The following AFF3 variants were observed in gnomAD, a reference collection of about 807,000 sequenced individuals.
AFF3 encodes AF4/FMR2 family member 3.
Under a neutral mutation model 129.7 loss-of-function variants are expected in AFF3, and 32 were observed. The ratio of observed to expected loss-of-function variants is 0.25; its 90% CI spans 0.19 to 0.33. The LOEUF is 0.33. Among genes scored for constraint, AFF3 ranks in the 10% least tolerant of loss-of-function variants. The pLI, the probability that AFF3 is intolerant of heterozygous loss-of-function variation, is 1.00. For missense variants in AFF3, 1,373 were observed against 1,592.0 expected (o/e 0.86, Z 2.34); for synonymous variants, 644 against 635.4 (o/e 1.01, Z -0.20).
In AFF3 at chr2:99,730,551, T is replaced by C. The variant is rs527515288; in HGVS notation, c.1040-3423A>G. 2.6e-5 allele frequency among the ~76,000 whole-genome samples: 4 copies of C among 151,412 alleles called. No homozygotes were observed. In the South Asian group the frequency reaches 8.3e-4, roughly 32 times the overall value. On this transcript the variant is annotated intron_variant, in intron 10 of 24. Transcript: ENST00000672756. ...TTTTTTTTGAGATGGGGTCTCACTC[T>C]GTTGCCCAGGCTGGAGTGCAGTGGT... is the stretch of plus-strand genomic sequence containing the variant.
chr2:99,925,543 T>G (rs528963135), intron 7 of AFF3, among the ~76,000 whole-genome samples: 1 of 152,126 alleles, frequency 6.6e-6, no homozygotes, highest in Non-Finnish European at 1.5e-5. Flanking sequence ...CAGTGAAAGT[T>G]TGTGAAATGA....
chr2:99,779,652 A>G (rs10460488), intron 8 of AFF3, among the ~76,000 whole-genome samples: 19,748 of 152,072 alleles, frequency 0.13, 2,739 homozygotes, highest in African/African-American at 0.35. Context: ...TACCCAGTAG[A>G]TAGTTTTTCA....
intron 7 of AFF3, among the ~76,000 whole-genome samples, chr2:99,999,043 G>A (rs950752369): frequency 2.0e-5 from 3 of 152,016 alleles, no homozygotes; most frequent in Non-Finnish European, 2.9e-5. Flanking sequence ...GGGAGCACAC[G>A]CACAGCACAC....
chr2:99,925,292 T>C (rs1164301144), intron 7 of AFF3, among the ~76,000 whole-genome samples: 1 of 152,244 alleles, frequency 6.6e-6, no homozygotes, highest in Non-Finnish European at 1.5e-5. Context: ...TTAAAATTTA[T>C]GTCAGGCTTG....
rs1021761801 is a variant in AFF3, at chr2:99,568,885, T to C, written c.2949A>G (p.Glu983=). 9 of 1,614,040 alleles carry C rather than the reference T, an allele frequency of 5.6e-6. No individual in the cohort carries two copies. The highest frequency in any genetic ancestry group is 7.6e-6 in the Non-Finnish European group (9 of 1,180,018). Residue 983 remains glutamate (E), a synonymous_variant, in exon 19 of 25, where the codon GAA becomes GAG. Coordinates refer to ENST00000672756, the MANE Select transcript of AFF3 (RefSeq NM_001386135.1). The stretch of plus-strand genomic sequence containing the variant: ...CTGCTTTATGCTTCATTCGTTTAGC[T>C]TCTTGCATAAAATAATCGGCACTGC... ...MPRSADYFMQ[E]AKRMKHKADA...
chr2:99,926,550 G>A lies in AFF3; in HGVS notation c.873+80082C>T, dbSNP rs181546784. ...TATAGGACCGGGTAAATTAGAATAC[G>A]GATTAGCTGTTTTTTGTGAGAGATT... On this transcript the variant is annotated intron_variant, in intron 7 of 24. Coordinates refer to ENST00000672756, the MANE Select transcript of AFF3 (RefSeq NM_001386135.1). 3.9e-5 allele frequency among the ~76,000 whole-genome samples: 6 copies of A among 152,216 alleles called. No individual in the cohort carries two copies. In the East Asian group the frequency reaches 5.8e-4, roughly 15 times the overall value.
chr2:100,068,861 G>T (rs1687942043), intron 4 of AFF3, among the ~76,000 whole-genome samples: 1 of 152,194 alleles, frequency 6.6e-6, no homozygotes, highest in Non-Finnish European at 1.5e-5. Context: ...GTCACTTCCA[G>T]ACTATGAGGT....
chr2:99,602,161 G>C (rs1252939629), intron 13 of AFF3, among the ~76,000 whole-genome samples: 1 of 152,176 alleles, frequency 6.6e-6, no homozygotes, highest in Non-Finnish European at 1.5e-5. Context: ...GAGACGAAGG[G>C]ACTGTCCAAG....
At chr2:99,730,047 G>A (rs1414903614) in intron 10 of AFF3, among the ~76,000 whole-genome samples, 1 of 152,094 alleles carries the variant, frequency 6.6e-6, no homozygotes, top group Non-Finnish European at 1.5e-5. Flanking sequence ...GTATCTATGT[G>A]TATTATACAC....
chr2:99,872,594 AAAAATAAAAT>A lies in AFF3; in HGVS notation c.874-35080_874-35071del, dbSNP rs369133072. ...AGTCCTATGCAAAAATGCTTCTTACAAAAATAAAATAAAATAAAATAAAATAAAATAAAAT... is the reference window on the plus strand; with the variant it reads ...AGTCCTATGCAAAAATGCTTCTTACAAAAATAAAATAAAATAAAATAAAAT... On this transcript the variant is annotated intron_variant, in intron 7 of 24. Transcript: ENST00000672756. 5.2e-3 allele frequency among the ~76,000 whole-genome samples: 665 copies of A among 127,646 alleles called. 7 individuals are homozygous for A. The highest frequency in any genetic ancestry group is 0.014 in the African/African-American group (465 of 32,890). 83.7% of individuals were successfully genotyped at this position (127,646 alleles called of 152,430 possible).
At chr2:99,573,413 AG>A (rs1214894861) in intron 18 of AFF3, among the ~76,000 whole-genome samples, 1 of 152,198 alleles carries the variant, frequency 6.6e-6, no homozygotes, top group African/African-American at 2.4e-5. Flanking sequence ...ACAAAAAGGT[AG>A]GGTCCCTGCT....
At chr2:99,651,624 T>C (rs1443051026) in intron 12 of AFF3, among the ~76,000 whole-genome samples, 1 of 152,060 alleles carries the variant, frequency 6.6e-6, no homozygotes, top group Non-Finnish European at 1.5e-5. Context: ...GTATTTTTAG[T>C]AGAGACAGGG....
At chr2:99,909,775 A>G (rs1322144825) in intron 7 of AFF3, among the ~76,000 whole-genome samples, 1 of 152,208 alleles carries the variant, frequency 6.6e-6, no homozygotes, top group African/African-American at 2.4e-5. Context: ...ACTTTCACGT[A>G]AATTATGCCC....
At chr2:99,628,399 T>C (rs1009899634) in intron 13 of AFF3, among the ~76,000 whole-genome samples, 1 of 152,108 alleles carries the variant, frequency 6.6e-6, no homozygotes, top group Non-Finnish European at 1.5e-5. Flanking sequence ...GATTTTTGCA[T>C]GTTGATTTTA....
intron 4 of AFF3, among the ~76,000 whole-genome samples, chr2:100,031,937 T>C (rs1206215498): frequency 6.6e-6 from 1 of 152,224 alleles, no homozygotes; most frequent in East Asian, 1.9e-4. Flanking sequence ...TACAGCTATA[T>C]GCAACAACAT....
chr2:99,839,172 C>T (rs1027965369), intron 7 of AFF3, among the ~76,000 whole-genome samples: 11 of 151,914 alleles, frequency 7.2e-5, no homozygotes, highest in Non-Finnish European at 1.0e-4. Flanking sequence ...TGCAATGGCG[C>T]GACCTTGGAT....
chr2:99,687,688 T>A (rs1320088843), intron 11 of AFF3, among the ~76,000 whole-genome samples: 1 of 152,202 alleles, frequency 6.6e-6, no homozygotes, highest in African/African-American at 2.4e-5. Flanking sequence ...CAGCTGTTGT[T>A]ATTTATAAAT....
intron 1 of AFF3, among the ~76,000 whole-genome samples, chr2:100,137,497 T>A (rs906451401): frequency 6.6e-6 from 1 of 152,132 alleles, no homozygotes; most frequent in Non-Finnish European, 1.5e-5. Context: ...CCTGGTTATG[T>A]GTGCCTGGTG....
At chr2:100,061,854 T>TGTGG (rs1553515714) in intron 4 of AFF3, among the ~76,000 whole-genome samples, 1 of 75,720 alleles carries the variant, frequency 1.3e-5, no homozygotes. Context: ...GGTAGCACAG[T>TGTGG]GGAGGGGGGG....
Sources: gnomAD v4.1 joint callset for allele counts (sites outside exome capture counted in the v4.1 genomes callset) on GRCh38, gnomAD v4.1.1 for gene constraint, MANE v1.5 for transcripts, NCBI Gene and HGNC (gene_info 2026-07-23, HGNC 2026-07-21) for gene names.